The following GUCY1A2 variants were observed in gnomAD, a reference collection of about 807,000 sequenced individuals.
GUCY1A2 encodes guanylate cyclase 1 soluble subunit alpha 2.
A neutral mutation model predicts 63.5 loss-of-function variants in GUCY1A2; 27 were observed. The observed-to-expected ratio is 0.43, with a 90% CI of 0.31 to 0.59. The LOEUF (loss-of-function observed/expected upper bound fraction) is 0.59, where lower values mean the gene tolerates loss of function less well. GUCY1A2 is among the 20% of genes least tolerant of loss of function. GUCY1A2 has a pLI of 0.11. For synonymous variants in GUCY1A2, 364 were observed against 343.5 expected (o/e 1.06, Z -0.66); for missense variants, 768 against 913.3 (o/e 0.84, Z 2.05).
At chr11:106,890,123 T>C (rs575262972) in intron 4 of GUCY1A2, among the ~76,000 whole-genome samples, 1 of 152,256 alleles carries the variant, frequency 6.6e-6, no homozygotes, top group Admixed American at 6.5e-5. Flanking sequence ...AATAAATTGT[T>C]ATCTTATCTT....
At chr11:106,913,838 C>A (rs776101329) in intron 4 of GUCY1A2, among the ~76,000 whole-genome samples, 2 of 151,718 alleles carry the variant, frequency 1.3e-5, no homozygotes, top group Admixed American at 6.6e-5. Context: ...GGGGAAAATA[C>A]CTTATGCTTG....
intron 4 of GUCY1A2, among the ~76,000 whole-genome samples, chr11:106,832,256 A>C (rs997925042): frequency 1.1e-4 from 17 of 152,172 alleles, no homozygotes; most frequent in African/African-American, 4.1e-4. Flanking sequence ...TAAATAATTT[A>C]AATGGTTTCT....
chr11:106,918,951 G>C (rs1307764824), intron 4 of GUCY1A2, among the ~76,000 whole-genome samples: 2 of 152,016 alleles, frequency 1.3e-5, no homozygotes, highest in Non-Finnish European at 2.9e-5. Context: ...TACTGCCCAG[G>C]TATATAGCCA....
intron 5 of GUCY1A2, among the ~76,000 whole-genome samples, chr11:106,809,306 G>A: frequency 6.6e-6 from 1 of 152,110 alleles, no homozygotes; most frequent in East Asian, 1.9e-4. Flanking sequence ...AGGTAAAGTT[G>A]TAGAGTTATT....
intron 6 of GUCY1A2, among the ~76,000 whole-genome samples, chr11:106,775,223 G>T (rs1038289132): frequency 6.6e-6 from 1 of 151,930 alleles, no homozygotes; most frequent in Non-Finnish European, 1.5e-5. Flanking sequence ...AACTGGTCAG[G>T]TCAAAAATTT....
At chr11:106,927,832 A>C (rs899017770) in intron 4 of GUCY1A2, among the ~76,000 whole-genome samples, 3 of 151,244 alleles carry the variant, frequency 2.0e-5, no homozygotes, top group African/African-American at 7.3e-5. Flanking sequence ...TCAGCCTCCC[A>C]AAGTGCTGGG....
In GUCY1A2 at chr11:107,006,311, A is replaced by G. The variant is rs1861670709; in HGVS notation, c.303+11442T>C. On this transcript the variant is annotated intron_variant, in intron 1 of 7. Transcript: ENST00000526355. ...ACTGTTCACATTTTATTACATATTT[A>G]CTCTTGAGTGAGAGATTAGTGAGAT... Among the ~76,000 whole-genome samples the G allele has an allele frequency of 2.0e-5, 3 of 152,186 alleles. No homozygotes were observed. The South Asian group carries it at 6.2e-4, about 31-fold the overall frequency.
chr11:106,801,488 A>G (rs960994539), intron 5 of GUCY1A2, among the ~76,000 whole-genome samples: 1 of 152,132 alleles, frequency 6.6e-6, no homozygotes, highest in African/African-American at 2.4e-5. Context: ...GTGCCAGAAC[A>G]ATTTTTTTGT....
chr11:106,850,503 C>T (rs1476912868), intron 4 of GUCY1A2, among the ~76,000 whole-genome samples: 3 of 151,744 alleles, frequency 2.0e-5, no homozygotes, highest in Admixed American at 1.3e-4. Flanking sequence ...CCATCTTTCT[C>T]TATCCCCTAC....
At chr11:106,831,884 C>T (rs1275071260) in intron 4 of GUCY1A2, among the ~76,000 whole-genome samples, 5 of 152,142 alleles carry the variant, frequency 3.3e-5, no homozygotes, top group Non-Finnish European at 7.4e-5. Context: ...CTCCATCATA[C>T]ACTTGAGATG....
Position 107,017,916 on chromosome 11 carries a change from T to G in GUCY1A2, c.140A>C (p.Glu47Ala). The G allele has an allele frequency of 7.8e-7, 1 of 1,285,658 alleles. No individual in the cohort carries two copies. The highest frequency in any genetic ancestry group is 3.2e-5 in the East Asian group (1 of 31,476). The allele number at this position is 1,285,658 out of a possible 1,614,324, so 79.6% of individuals were successfully genotyped here. A position where few individuals can be genotyped will look rare whatever the true frequency, so the allele number is the denominator to read the frequency against. Residue 47 changes from glutamate (E) to alanine (A), a missense_variant, in exon 1 of 8, where the codon GAG (glutamate) becomes GCG (alanine). Physicochemically the swap from Glu to Ala is moderately radical, Grantham distance 107 (BLOSUM62 -1). Around this residue, in one of 3 missense-constraint regions of GUCY1A2, gnomAD observed 496 missense variants for 486.9 expected, o/e 1.02. Transcript: ENST00000526355. ...NGSRSPPGPLEPSPAAAAAAA... is the reference protein window; with the variant it reads ...NGSRSPPGPLAPSPAAAAAAA... ...AGCGGCAGCTGCGGCCGGGCTGGGC[T>G]CCAGCGGCCCGGGCGGGCTCCGGCT...
At chr11:106,805,280 C>A (rs1251534163) in intron 5 of GUCY1A2, among the ~76,000 whole-genome samples, 1 of 149,256 alleles carries the variant, frequency 6.7e-6, no homozygotes, top group African/African-American at 2.5e-5. Context: ...TAGTCTCACT[C>A]TGTTGCCCAG....
chr11:106,927,596 G>A (rs536297960), intron 4 of GUCY1A2, among the ~76,000 whole-genome samples: 1 of 149,914 alleles, frequency 6.7e-6, no homozygotes, highest in Admixed American at 6.7e-5. Context: ...TCAGAGTCTC[G>A]CTCTGTCACC....
chr11:106,730,564 C>T (rs1338275155), intron 6 of GUCY1A2, among the ~76,000 whole-genome samples: 1 of 151,988 alleles, frequency 6.6e-6, no homozygotes, highest in Non-Finnish European at 1.5e-5. Flanking sequence ...CTGAATAGTG[C>T]TGCAGTGAAC....
chr11:106,740,941 G>T (rs1242777860), intron 6 of GUCY1A2, among the ~76,000 whole-genome samples: 1 of 152,112 alleles, frequency 6.6e-6, no homozygotes, highest in Admixed American at 6.6e-5. Flanking sequence ...CCAAAGTGCT[G>T]GGATTACAAG....
intron 1 of GUCY1A2, among the ~76,000 whole-genome samples, chr11:106,988,673 T>C (rs1012963098): frequency 3.3e-5 from 5 of 152,196 alleles, no homozygotes; most frequent in Admixed American, 6.5e-5. Flanking sequence ...GATAAAGCAT[T>C]TATGCACTTC....
intron 4 of GUCY1A2, among the ~76,000 whole-genome samples, chr11:106,816,025 A>C (rs1858826312): frequency 6.6e-6 from 1 of 152,038 alleles, no homozygotes; most frequent in Admixed American, 6.6e-5. Flanking sequence ...TAAGCTACCA[A>C]GTTTGTGGTA....
intron 4 of GUCY1A2, among the ~76,000 whole-genome samples, chr11:106,916,469 G>A (rs750518218): frequency 6.2e-5 from 9 of 145,214 alleles, no homozygotes; most frequent in East Asian, 2.1e-4. Context: ...GGCCTGGATC[G>A]TAGTACAGAC....
At chr11:106,864,384 T>C (rs892014524) in intron 4 of GUCY1A2, among the ~76,000 whole-genome samples, 14 of 152,062 alleles carry the variant, frequency 9.2e-5, no homozygotes, top group African/African-American at 3.4e-4. Flanking sequence ...TTTGACTTCC[T>C]CTCTTCCTAT....
Sources: gnomAD v4.1 joint callset for allele counts (sites outside exome capture counted in the v4.1 genomes callset) on GRCh38, gnomAD v4.1.1 for gene constraint, gnomAD v4.1.1 regional missense constraint, MANE v1.5 for transcripts, NCBI Gene and HGNC (gene_info 2026-07-23, HGNC 2026-07-21) for gene names.